Variants in PBX4 observed in about 807,000 individuals in gnomAD.
PBX4 encodes the protein PBX homeobox 4.
Under a neutral mutation model 35.1 loss-of-function variants are expected in PBX4, and 26 were observed. That is an observed-to-expected ratio of 0.74 (90% CI 0.54 to 1.03). PBX4 has a LOEUF of 1.03. Among genes scored for constraint, PBX4 ranks in the 50% least tolerant of loss-of-function variants. The probability of loss-of-function intolerance (pLI) is 0.00; values close to 1 mark genes in which losing one functional copy is unlikely to be tolerated. For missense variants in PBX4, 448 were observed against 504.3 expected (o/e 0.89, Z 1.07); for synonymous variants, 199 against 204.2 (o/e 0.97, Z 0.22).
intron 2 of PBX4, among the ~76,000 whole-genome samples, chr19:19,587,812 C>T (rs1182921322): frequency 6.6e-6 from 1 of 151,514 alleles, no homozygotes; most frequent in African/African-American, 2.4e-5. Context: ...ATATGGAGAA[C>T]AGATCTTTGC....
At position 19,570,593 on chromosome 19, in the gene PBX4, T is replaced by A; in HGVS notation, c.434A>T (p.Tyr145Phe). Residue 145 changes from tyrosine to phenylalanine, a missense_variant, in exon 3 of 8, where the codon TAT becomes TTT. Transcript: ENST00000251203. ...TCCATGCAGAAAGATCACCTGTTCATATTTCTCTAGCTCAGAGTGGTAAAT... is the reference window on the plus strand; with the variant it reads ...TCCATGCAGAAAGATCACCTGTTCAAATTTCTCTAGCTCAGAGTGGTAAAT... ...RQIYHSELEKYEQACREFTTH... is the reference protein window; with the variant it reads ...RQIYHSELEKFEQACREFTTH... 1 of 1,613,732 alleles carries A rather than the reference T, an allele frequency of 6.2e-7. No homozygotes were observed. The highest frequency in any genetic ancestry group is 1.1e-5 in the South Asian group (1 of 91,040).
At chr19:19,582,845 C>A (rs1310937713) in intron 2 of PBX4, among the ~76,000 whole-genome samples, 1 of 152,234 alleles carries the variant, frequency 6.6e-6, no homozygotes, top group Non-Finnish European at 1.5e-5. Flanking sequence ...GGGTTGGAGA[C>A]CACGTTCCCC....
At chr19:19,589,872 C>A (rs1485159468) in intron 2 of PBX4, among the ~76,000 whole-genome samples, 1 of 152,112 alleles carries the variant, frequency 6.6e-6, no homozygotes, top group Admixed American at 6.6e-5. Context: ...GCTGGTCTTC[C>A]AGGAAAGGAG....
intron 2 of PBX4, among the ~76,000 whole-genome samples, chr19:19,590,988 G>A (rs1042510177): frequency 2.6e-5 from 4 of 152,114 alleles, no homozygotes; most frequent in African/African-American, 9.7e-5. Context: ...ATTGCATTTG[G>A]TTTTAATTAA....
chr19:19,586,779 A>G (rs528050039), intron 2 of PBX4, among the ~76,000 whole-genome samples: 34 of 151,700 alleles, frequency 2.2e-4, no homozygotes, highest in African/African-American at 7.5e-4. Context: ...AAAATACAAA[A>G]AATTAGCCAG....
intron 2 of PBX4, chr19:19,579,970 C>G (rs532703295): frequency 7.9e-5 from 12 of 152,454 alleles, no homozygotes; most frequent in African/African-American, 2.9e-4. Flanking sequence ...CCGGAATGAG[C>G]GTTGGAGACG....
intron 1 of PBX4, among the ~76,000 whole-genome samples, chr19:19,610,872 C>T (rs2061659572): frequency 6.6e-6 from 1 of 152,186 alleles, no homozygotes; most frequent in South Asian, 2.1e-4. Flanking sequence ...AGAAAGACTA[C>T]AAGGCACGAA....
rs867228314 is a variant in PBX4 at position 19,561,798 on chromosome 19, C to T, written c.*227G>A. On this transcript the variant is annotated 3_prime_UTR_variant, in exon 8 of 8. Coordinates refer to ENST00000251203, the MANE Select transcript of PBX4 (RefSeq NM_025245.3). ...AATTCATAGCGTTACCATAAAATTA[C>T]TGTCAAAAAAACGAACTGAAGTGGG... 2.0e-5 allele frequency: 9 copies of T among 454,088 alleles called. No individual in the cohort carries two copies. In the Middle Eastern group the frequency reaches 1.7e-3, roughly 88 times the overall value. The allele number at this position is 454,088 out of a possible 1,614,324, so 28.1% of individuals were successfully genotyped here.
chr19:19,570,078 C>G, intron 4 of PBX4, 31 bp downstream of exon 4: 1 of 1,547,502 alleles, frequency 6.5e-7, no homozygotes, highest in Non-Finnish European at 8.7e-7. Flanking sequence ...AGAGCCGGCC[C>G]TTGAGGTTTT....
chr19:19,592,789 T>C (rs1221067123), intron 2 of PBX4, among the ~76,000 whole-genome samples: 1 of 152,200 alleles, frequency 6.6e-6, no homozygotes, highest in African/African-American at 2.4e-5. Flanking sequence ...GACCCTGCGC[T>C]GGCCAGGAAT....
At chr19:19,564,814 G>T in intron 6 of PBX4, 119 bp downstream of exon 6, 1 of 1,259,550 alleles carries the variant, frequency 7.9e-7, no homozygotes, top group Non-Finnish European at 1.1e-6. Context: ...AGAAGAAAGA[G>T]TTACACAGAG....
At chr19:19,567,975 C>G (rs1302222550) in intron 5 of PBX4, among the ~76,000 whole-genome samples, 1 of 151,060 alleles carries the variant, frequency 6.6e-6, no homozygotes, top group Non-Finnish European at 1.5e-5. Flanking sequence ...CCATCTCTGT[C>G]CCTCAGGGAG....
intron 2 of PBX4, among the ~76,000 whole-genome samples, 199 bp downstream of exon 2, chr19:19,599,093 C>T (rs967893935): frequency 3.3e-5 from 5 of 151,972 alleles, no homozygotes; most frequent in African/African-American, 4.8e-5. Flanking sequence ...CTTAGCCCCC[C>T]GAGTAGCTGG....
chr19:19,587,091 G>A (rs2061494275), intron 2 of PBX4, among the ~76,000 whole-genome samples: 1 of 151,848 alleles, frequency 6.6e-6, no homozygotes, highest in South Asian at 2.1e-4. Flanking sequence ...TGCAACCTCT[G>A]CCTCTCAGGT....
In PBX4 at chr19:19,570,227, T is replaced by C; in HGVS notation, c.514A>G (p.Lys172Glu). The change falls in exon 4 of 8, where the codon AAG becomes GAG. Residue 172 changes from lysine (K) to glutamate (E), a missense_variant. Lys to Glu is a moderately conservative substitution (Grantham distance 56). Transcript: ENST00000251203. ...GCGCCGACCATGCGCTCAATCTCCT[T>C]AGGGGAGACAGGCCTCATCCTGCTC... ...EQSRMRPVSP[K>E]EIERMVGAIH... 1 of 1,614,016 alleles carries C rather than the reference T, an allele frequency of 6.2e-7. No individual in the cohort carries two copies.
chr19:19,575,068 TA>T (rs1304439842), intron 2 of PBX4, among the ~76,000 whole-genome samples: 1 of 151,470 alleles, frequency 6.6e-6, no homozygotes, highest in Non-Finnish European at 1.5e-5. Flanking sequence ...CCGTCTCTAA[TA>T]AAAATACAAA....
In PBX4 at chr19:19,562,146, T is replaced by C. The variant is rs377664465; in HGVS notation, c.1033-29A>G. The C allele has an allele frequency of 2.6e-6, 4 of 1,562,920 alleles. No homozygotes were observed. The highest frequency in any genetic ancestry group is 1.8e-5 in the Admixed American group (1 of 55,568). Reference sequence around the variant, plus strand: ...AAACGACAGAGACTGAGCATCAGAGTGGGTGGCCGTGAGACTGGTGACTAC... The same window carrying C: ...AAACGACAGAGACTGAGCATCAGAGCGGGTGGCCGTGAGACTGGTGACTAC... On this transcript the variant is annotated intron_variant, in intron 7 of 7. Coordinates refer to ENST00000251203, the MANE Select transcript of PBX4 (RefSeq NM_025245.3). This position sits in a 1 kb window ranked among gnomAD's most constrained non-coding sequence, Gnocchi z 4.8.
Position 19,565,053 on chromosome 19 carries a change from T to C in PBX4, c.805A>G (p.Lys269Glu), listed in dbSNP as rs1389706617. 2 of 1,614,222 alleles carry C rather than the reference T, an allele frequency of 1.2e-6. No homozygotes were observed. The highest frequency in any genetic ancestry group is 2.2e-5 in the South Asian group (2 of 91,086). The change falls in exon 6 of 8, where the codon AAA becomes GAA. Residue 269 changes from lysine (K) to glutamate (E), a missense_variant. Physicochemically the swap from Lys to Glu is moderately conservative, Grantham distance 56. Transcript: ENST00000251203. ...TCTTGAAACTTCCCCATGTTCTTTT[T>C]ATACCGGATTCTTTTGTTGCCAAAC... is the stretch of plus-strand genomic sequence containing the variant. ...NWFGNKRIRYKKNMGKFQEEA... is the reference protein window; with the variant it reads ...NWFGNKRIRYEKNMGKFQEEA...
intron 1 of PBX4, among the ~76,000 whole-genome samples, chr19:19,615,838 C>T (rs1240754998): frequency 3.3e-5 from 5 of 152,068 alleles, no homozygotes; most frequent in African/African-American, 7.2e-5. Flanking sequence ...TGCAGTGAGC[C>T]GAGATAGCGC....
Sources: allele counts gnomAD v4.1 joint callset (sites outside exome capture counted in the v4.1 genomes callset), GRCh38; gene constraint gnomAD v4.1.1; non-coding constraint Gnocchi (gnomAD v3.1); transcripts MANE v1.5; gene names NCBI Gene and HGNC (gene_info 2026-07-23, HGNC 2026-07-21).